The following PTCHD1 variants were observed in gnomAD, a reference collection of about 807,000 sequenced individuals.
The protein encoded by PTCHD1 is patched domain-containing protein 1.
Under a neutral mutation model 34.6 loss-of-function variants are expected in PTCHD1, and 3 were observed. That is an observed-to-expected ratio of 0.09 (90% confidence interval 0.04 to 0.22). The LOEUF (loss-of-function observed/expected upper bound fraction) is 0.22, where lower values mean the gene tolerates loss of function less well. Ranked by LOEUF, PTCHD1 falls within the 10% of genes least tolerant of loss-of-function variation. The probability of loss-of-function intolerance (pLI) is 1.00; values close to 1 mark genes in which losing one functional copy is unlikely to be tolerated. For synonymous variants in PTCHD1, 305 were observed against 283.1 expected, an observed-to-expected ratio of 1.08 and a Z score of -0.77; for missense variants, 504 against 685.5, an observed-to-expected ratio of 0.74 and a Z score of 2.96.
chrX:23,358,959 G>C (rs1257053436), intron 1 of PTCHD1, among the ~76,000 whole-genome samples: 1 of 112,033 alleles, frequency 8.9e-6, no homozygotes, highest in East Asian at 2.8e-4. Context: ...GATGGTTGTA[G>C]ATGCGTGGTG....
At chrX:23,346,385 T>C (rs892185400) in intron 1 of PTCHD1, among the ~76,000 whole-genome samples, 1 of 111,221 alleles carries the variant, frequency 9.0e-6, no homozygotes, top group Non-Finnish European at 1.9e-5. Context: ...TGGGAATTTA[T>C]AGCCAAGGAG....
At chrX:23,376,998 G>A (rs1482288704) in intron 1 of PTCHD1, among the ~76,000 whole-genome samples, 9 of 111,753 alleles carry the variant, frequency 8.1e-5, no homozygotes, top group Non-Finnish European at 1.7e-4. Flanking sequence ...TGTTTTCTTC[G>A]ATGTATGGTC....
rs1923049525 is a variant in PTCHD1 at position 23,398,634 on chromosome X, CA to C, written c.*4452del. ...TTAAAAGAATAGTAAATCTGCAATA[CA>C]AAGAAAAATATTAAGTTAGTGGATT... On this transcript the variant is annotated 3_prime_UTR_variant, in exon 3 of 3. Coordinates refer to ENST00000379361, the MANE Select transcript of PTCHD1 (RefSeq NM_173495.3). 3 of 111,699 alleles carry C rather than the reference CA, an allele frequency of 2.7e-5. No homozygotes were observed. The highest frequency in any genetic ancestry group is 9.8e-5 in the African/African-American group (3 of 30,727). 9.2% of individuals were successfully genotyped at this position (111,699 alleles called of 1,213,427 possible).
intron 1 of PTCHD1, among the ~76,000 whole-genome samples, chrX:23,339,818 A>G (rs755634651): frequency 8.8e-6 from 1 of 113,017 alleles, no homozygotes; most frequent in African/African-American, 3.2e-5. Context: ...AGAAAGCTAT[A>G]TAGCAGAAAT....
intron 1 of PTCHD1, among the ~76,000 whole-genome samples, chrX:23,339,756 G>A (rs1156999563): frequency 8.9e-6 from 1 of 112,247 alleles, no homozygotes; most frequent in African/African-American, 3.2e-5. Flanking sequence ...TTTTAACGTA[G>A]ACTGAGTTTT....
intron 1 of PTCHD1, among the ~76,000 whole-genome samples, chrX:23,357,890 ATGAG>A (rs2146622777): frequency 9.0e-6 from 1 of 110,942 alleles, no homozygotes; most frequent in African/African-American, 3.3e-5. Context: ...ATTCCCACCT[ATGAG>A]TGAGAACATG....
rs771052371 is a variant in PTCHD1, at chrX:23,380,261, A to G, written c.1012+10A>G. The G allele has an allele frequency of 1.4e-5, 17 of 1,197,632 alleles. No homozygotes were observed. The South Asian group carries it at 2.8e-4, about 20-fold the overall frequency. ...CCTTTCGTCATGCTAGGTAATTACTACTCTTCTTTCTTCTGTTTCCGCCTG... is the reference window on the plus strand; with the variant it reads ...CCTTTCGTCATGCTAGGTAATTACTGCTCTTCTTTCTTCTGTTTCCGCCTG... On this transcript the variant is annotated intron_variant, in intron 2 of 2. Transcript: ENST00000379361.
At chrX:23,342,299 TATATATA>T (rs1921350123) in intron 1 of PTCHD1, among the ~76,000 whole-genome samples, 10 of 8,777 alleles carry the variant, frequency 1.1e-3, no homozygotes, top group East Asian at 0.012. Flanking sequence ...TATATATATA[TATATATA>T]TATATTTTTT....
chrX:23,351,081 G>A, intron 1 of PTCHD1: 1 of 460,190 alleles, frequency 2.2e-6, no homozygotes, highest in Admixed American at 3.4e-5. Flanking sequence ...GATTTGTCAT[G>A]AATGGGAAAC....
At chrX:23,346,059 C>T (rs1018395505) in intron 1 of PTCHD1, among the ~76,000 whole-genome samples, 4 of 111,666 alleles carry the variant, frequency 3.6e-5, no homozygotes, top group African/African-American at 1.3e-4. Flanking sequence ...TTGCTACCAT[C>T]ACATATGGGA....
At chrX:23,344,239 G>A (rs1241442016) in intron 1 of PTCHD1, among the ~76,000 whole-genome samples, 1 of 111,892 alleles carries the variant, frequency 8.9e-6, no homozygotes, top group Non-Finnish European at 1.9e-5. Context: ...ATGTATCTTT[G>A]GGCAAGTCAC....
chrX:23,337,081 G>T (rs1921189410), intron 1 of PTCHD1, among the ~76,000 whole-genome samples: 1 of 111,782 alleles, frequency 8.9e-6, no homozygotes, highest in African/African-American at 3.3e-5. Context: ...TTTTCAACTG[G>T]ATTACTTCTT....
intron 2 of PTCHD1, among the ~76,000 whole-genome samples, chrX:23,385,211 G>A (rs906184669): frequency 2.7e-5 from 3 of 111,744 alleles, no homozygotes; most frequent in Non-Finnish European, 5.6e-5. Context: ...CTTGTAATTC[G>A]TTCTTGCCCT....
intron 2 of PTCHD1, among the ~76,000 whole-genome samples, chrX:23,382,898 C>T (rs992811732): frequency 8.9e-6 from 1 of 112,443 alleles, no homozygotes; most frequent in African/African-American, 3.2e-5. Flanking sequence ...GCTCATAAAG[C>T]TAACAGTGCC....
chrX:23,394,138 G>A lies in PTCHD1; in HGVS notation c.2620G>A (p.Val874Ile). ...NREEIECVEMVDIDSTRVVDQ... is the reference protein window; with the variant it reads ...NREEIECVEMIDIDSTRVVDQ... Reference sequence around the variant, plus strand: ...GGAGGAAATTGAGTGTGTAGAAATGGTAGATATCGATAGTACCCGTGTGGT... The same window carrying A: ...GGAGGAAATTGAGTGTGTAGAAATGATAGATATCGATAGTACCCGTGTGGT... Residue 874 changes from valine to isoleucine, a missense_variant, in exon 3 of 3, where the codon GTA (valine) becomes ATA (isoleucine). Coordinates refer to ENST00000379361, the MANE Select transcript of PTCHD1 (RefSeq NM_173495.3). 2.5e-6 allele frequency: 3 copies of A among 1,209,834 alleles called. No homozygotes were observed. Among genetic ancestry groups the A allele is most frequent in the Non-Finnish European group, 3.4e-6 (3 of 894,564 alleles).
At chrX:23,392,070 C>CTTTT (rs1464413678) in intron 2 of PTCHD1, among the ~76,000 whole-genome samples, 2 of 39,476 alleles carry the variant, frequency 5.1e-5, no homozygotes, top group African/African-American at 4.6e-4. Context: ...TTCTTTCTTT[C>CTTTT]TTTCTTTTTT....
chrX:23,381,081 G>A (rs1922552686), intron 2 of PTCHD1, among the ~76,000 whole-genome samples: 1 of 111,776 alleles, frequency 8.9e-6, no homozygotes, highest in Non-Finnish European at 1.9e-5. Context: ...CATGATAAAT[G>A]TATAAGAACT....
At chrX:23,389,184 G>C (rs1427090115) in intron 2 of PTCHD1, among the ~76,000 whole-genome samples, 1 of 112,036 alleles carries the variant, frequency 8.9e-6, no homozygotes, top group Non-Finnish European at 1.9e-5. Context: ...GGGGAACTCG[G>C]ATATAATTCC....
At chrX:23,384,014 C>T (rs893087102) in intron 2 of PTCHD1, among the ~76,000 whole-genome samples, 29 of 112,155 alleles carry the variant, frequency 2.6e-4, no homozygotes, top group African/African-American at 8.7e-4. Context: ...TTTCTGTGTG[C>T]AAGCTCTCCT....
Sources: gnomAD v4.1 joint callset for allele counts (sites outside exome capture counted in the v4.1 genomes callset) on GRCh38, gnomAD v4.1.1 for gene constraint, MANE v1.5 for transcripts, NCBI Gene and HGNC (gene_info 2026-07-23, HGNC 2026-07-21) for gene names.